SND1: variants seen among roughly 807,000 people sequenced by gnomAD.
The protein encoded by SND1 is staphylococcal nuclease and tudor domain containing 1, also known as staphylococcal nuclease domain-containing protein 1.
Under a neutral mutation model 121.7 loss-of-function variants are expected in SND1, and 38 were observed. The ratio of observed to expected loss-of-function variants is 0.31; its 90% confidence interval spans 0.24 to 0.41. The LOEUF is 0.41. Among genes scored for constraint, SND1 ranks in the 10% least tolerant of loss-of-function variants. The pLI is 1.00. For synonymous variants in SND1, 401 were observed against 447.4 expected (o/e 0.90, Z 1.31); for missense variants, 868 against 1,184.6 (o/e 0.73, Z 3.92).
chr7:127,722,307 C>CTTT (rs34026000), intron 10 of SND1, among the ~76,000 whole-genome samples: 6 of 139,314 alleles, frequency 4.3e-5, no homozygotes, highest in East Asian at 2.1e-4. Context: ...CTACTGCCTG[C>CTTT]TTTTTTTTTT....
intron 14 of SND1, among the ~76,000 whole-genome samples, chr7:127,928,570 C>A (rs1043851971): frequency 6.7e-6 from 1 of 149,638 alleles, no homozygotes; most frequent in Non-Finnish European, 1.5e-5. Context: ...GTCTTCTTAC[C>A]TCAACTTTTT....
chr7:127,746,655 T>C (rs1468296152), intron 10 of SND1, among the ~76,000 whole-genome samples: 1 of 152,196 alleles, frequency 6.6e-6, no homozygotes, highest in Non-Finnish European at 1.5e-5. Flanking sequence ...TTTGATTGGC[T>C]TTATGTGGGC....
At chr7:127,731,104 C>T (rs1045426044) in intron 10 of SND1, among the ~76,000 whole-genome samples, 1 of 152,232 alleles carries the variant, frequency 6.6e-6, no homozygotes, top group African/African-American at 2.4e-5. Flanking sequence ...AGCCAGGGCT[C>T]CCCTTCCAGC....
At chr7:128,020,412 G>A (rs550184713) in intron 16 of SND1, among the ~76,000 whole-genome samples, 13 of 152,314 alleles carry the variant, frequency 8.5e-5, no homozygotes, top group African/African-American at 1.9e-4. Context: ...CAGCAATTGC[G>A]CTAGGTCGCG....
At chr7:128,023,380 G>A (rs190550317) in intron 16 of SND1, among the ~76,000 whole-genome samples, 1 of 152,256 alleles carries the variant, frequency 6.6e-6, no homozygotes, top group Admixed American at 6.5e-5. Context: ...TGACTGCTCT[G>A]TGCCAGAGAA....
At chr7:128,024,941 A>G (rs891747555) in intron 16 of SND1, among the ~76,000 whole-genome samples, 11 of 152,124 alleles carry the variant, frequency 7.2e-5, no homozygotes, top group Admixed American at 6.5e-5. Context: ...CCTCCTCCAC[A>G]CTGCAGAGTT....
chr7:127,721,290 A>G lies in SND1; in HGVS notation c.1042A>G (p.Met348Val). The G allele has an allele frequency of 6.2e-7, 1 of 1,612,550 alleles. No homozygotes were observed. The highest frequency in any genetic ancestry group is 8.5e-7 in the Non-Finnish European group (1 of 1,178,754). Residue 348 changes from methionine to valine, a missense_variant, in exon 10 of 24, where the codon ATG becomes GTG. Around this residue, in one of 2 missense-constraint regions of SND1, gnomAD observed 743 missense variants for 1,071.3 expected, o/e 0.69. Transcript: ENST00000354725. ...GCATGTTCCTTTTTGCTCACAGGTG[A>G]TGCAGGTTCTGAATGCTGATGCCAT... ...QKDKQFVAKV[M>V]QVLNADAIVV...
At chr7:127,921,459 A>C (rs1800703911) in intron 14 of SND1, among the ~76,000 whole-genome samples, 1 of 152,164 alleles carries the variant, frequency 6.6e-6, no homozygotes, top group Non-Finnish European at 1.5e-5. Flanking sequence ...TTTGAACTTG[A>C]TATTCTCTCC....
Position 127,786,707 on chromosome 7 carries a change from G to A in SND1, c.1153-20777G>A, listed in dbSNP as rs1036262551. Among the ~76,000 whole-genome samples the A allele has an allele frequency of 5.3e-5, 8 of 152,210 alleles. No individual in the cohort carries two copies. The East Asian group carries it at 5.8e-4, about 11-fold the overall frequency. ...CGCCCAGGCTGGAGTGCAGTGGCGC[G>A]ATCTCGACTCACTGCTAGCTCCGCC... is the stretch of plus-strand genomic sequence containing the variant. On this transcript the variant is annotated intron_variant, in intron 10 of 23. Transcript: ENST00000354725.
At chr7:127,881,463 C>T (rs919490170) in intron 12 of SND1, among the ~76,000 whole-genome samples, 1 of 151,988 alleles carries the variant, frequency 6.6e-6, no homozygotes, top group African/African-American at 2.4e-5. Context: ...TCTTTTTTAC[C>T]AAGTAGTATA....
At chr7:127,917,136 A>G (rs1800597801) in intron 14 of SND1, among the ~76,000 whole-genome samples, 1 of 152,202 alleles carries the variant, frequency 6.6e-6, no homozygotes, top group Non-Finnish European at 1.5e-5. Flanking sequence ...CCACTGATAG[A>G]CAAGGTCCTT....
chr7:127,707,491 T>G, intron 8 of SND1, 66 bp from the exon 9 acceptor site: 8 of 1,290,654 alleles, frequency 6.2e-6, no homozygotes, highest in Non-Finnish European at 9.0e-6. Context: ...CCAACTGTGC[T>G]CCCATGGTAG....
intron 21 of SND1, 54 bp downstream of exon 21, chr7:128,087,105 G>C (rs993626367): frequency 8.1e-6 from 11 of 1,363,462 alleles, no homozygotes; most frequent in Non-Finnish European, 1.1e-5. Flanking sequence ...ACACTTAGCC[G>C]CTGCAGCAGC....
chr7:127,721,208 T>G, intron 9 of SND1, 79 bp from the exon 10 acceptor site: 2 of 851,384 alleles, frequency 2.3e-6, no homozygotes, highest in Non-Finnish European at 4.0e-6. Flanking sequence ...TTTCTACCTG[T>G]GAGGGTGGTG....
intron 10 of SND1, among the ~76,000 whole-genome samples, chr7:127,753,392 A>C (rs2116460844): frequency 6.6e-6 from 1 of 152,218 alleles, no homozygotes; most frequent in East Asian, 1.9e-4. Flanking sequence ...GCTAGGAGGC[A>C]GATGTTGTTT....
intron 1 of SND1, among the ~76,000 whole-genome samples, chr7:127,663,136 C>G (rs1447610125): frequency 2.0e-5 from 3 of 152,072 alleles, no homozygotes; most frequent in African/African-American, 7.2e-5. Flanking sequence ...ATCCTCCTGC[C>G]TCAGCCTCCA....
chr7:128,092,150 G>T lies in SND1; in HGVS notation c.*92G>T. 7.5e-7 allele frequency: 1 copy of T among 1,327,562 alleles called. No homozygotes were observed. Among genetic ancestry groups the T allele is most frequent in the African/African-American group, 1.4e-5 (1 of 68,992 alleles). 82.2% of individuals were successfully genotyped at this position (1,327,562 alleles called of 1,614,324 possible). A position where few individuals can be genotyped will look rare whatever the true frequency, so the allele number is the denominator to read the frequency against. Reference sequence around the variant, plus strand: ...TTTCAACTCCAAACCCCAGAGAGGGGTTGTAGATTGGGTCCAGCTTTGCTT... The same window carrying T: ...TTTCAACTCCAAACCCCAGAGAGGGTTTGTAGATTGGGTCCAGCTTTGCTT... On this transcript the variant is annotated 3_prime_UTR_variant, in exon 24 of 24. Transcript: ENST00000354725. The surrounding 1 kb of genome is among the most constrained non-coding windows in gnomAD (Gnocchi z 4.9).
In SND1 at chr7:128,029,533, C is replaced by T. The variant is rs763465624; in HGVS notation, c.1779+38477C>T. 8.1e-6 allele frequency: 13 copies of T among 1,613,924 alleles called. No homozygotes were observed. Among genetic ancestry groups the T allele is most frequent in the African/African-American group, 1.3e-5 (1 of 74,880 alleles). ...GGGGGAGTCCGACACTTAAGTTCTG[C>T]CATCCGACCCTCAGAAATGTTGAGG... is the stretch of plus-strand genomic sequence containing the variant. On this transcript the variant is annotated intron_variant, in intron 16 of 23. Coordinates refer to ENST00000354725, the MANE Select transcript of SND1 (RefSeq NM_014390.4). This position sits in a 1 kb window ranked among gnomAD's most constrained non-coding sequence, Gnocchi z 4.2.
intron 12 of SND1, among the ~76,000 whole-genome samples, chr7:127,849,785 T>C (rs1364313343): frequency 6.6e-6 from 1 of 152,236 alleles, no homozygotes; most frequent in Non-Finnish European, 1.5e-5. Context: ...ATTTTCCTTC[T>C]GTTGCTTCCC....
Sources: allele counts gnomAD v4.1 joint callset (sites outside exome capture counted in the v4.1 genomes callset), GRCh38; gene constraint gnomAD v4.1.1; regional missense constraint gnomAD v4.1.1; non-coding constraint Gnocchi (gnomAD v3.1); transcripts MANE v1.5; gene names NCBI Gene and HGNC (gene_info 2026-07-23, HGNC 2026-07-21).